The following NEXMIF variants were observed in gnomAD, a reference collection of about 807,000 sequenced individuals.
NEXMIF encodes neurite extension and migration factor.
NEXMIF carries 8 observed loss-of-function variants against 62.1 expected under a neutral mutation model. The observed-to-expected ratio is 0.13, with a 90% confidence interval of 0.08 to 0.23. The LOEUF is 0.23. Among genes scored for constraint, NEXMIF ranks in the 10% least tolerant of loss-of-function variants. The pLI is 1.00. For missense variants in NEXMIF, 976 were observed against 1,113.3 expected, an observed-to-expected ratio of 0.88 and a Z score of 1.75; for synonymous variants, 404 against 416.6, an observed-to-expected ratio of 0.97 and a Z score of 0.37.
chrX:74,871,486 C>A (rs2080600644), intron 1 of NEXMIF, among the ~76,000 whole-genome samples: 1 of 111,498 alleles, frequency 9.0e-6, no homozygotes, highest in Non-Finnish European at 1.9e-5. Context: ...GACAACTGGT[C>A]TGACTAGAAT....
At chrX:74,812,641 G>A (rs2080363988) in intron 1 of NEXMIF, among the ~76,000 whole-genome samples, 1 of 111,552 alleles carries the variant, frequency 9.0e-6, no homozygotes, top group South Asian at 3.8e-4. Context: ...AGTCAGGGCT[G>A]CAACAGACAG....
chrX:74,773,908 CAAAAAAAAAA>C (rs61514458), intron 1 of NEXMIF, among the ~76,000 whole-genome samples: 1 of 38,082 alleles, frequency 2.6e-5, no homozygotes, highest in Non-Finnish European at 4.3e-5. Context: ...GACTCCGTCT[CAAAAAAAAAA>C]AAAAAAAAAA....
At chrX:74,739,719 C>T (rs2080095653) in intron 3 of NEXMIF, among the ~76,000 whole-genome samples, 1 of 110,148 alleles carries the variant, frequency 9.1e-6, no homozygotes, top group Non-Finnish European at 1.9e-5. Context: ...GGCTTTTTGT[C>T]TACATGACTT....
chrX:74,733,582 TTTC>T lies in NEXMIF; in HGVS notation c.*5820_*5822del, dbSNP rs2080077994. 8.9e-6 allele frequency: 1 copy of T among 112,417 alleles called. No homozygotes were observed. The highest frequency in any genetic ancestry group is 3.2e-5 in the African/African-American group (1 of 30,880). 9.3% of individuals were successfully genotyped at this position (112,417 alleles called of 1,213,427 possible). A position where few individuals can be genotyped will look rare whatever the true frequency, so the allele number is the denominator to read the frequency against. On this transcript the variant is annotated 3_prime_UTR_variant, in exon 4 of 4. Transcript: ENST00000055682. ...TGATTCTAAAGCAGTATTTTAAACT[TTTC>T]TTTTTATTTATTTCATAAACAATAA...
At chrX:74,818,495 T>C (rs1039763589) in intron 1 of NEXMIF, among the ~76,000 whole-genome samples, 2 of 111,931 alleles carry the variant, frequency 1.8e-5, no homozygotes, top group African/African-American at 3.2e-5. Flanking sequence ...AAGACTTAAA[T>C]GTAAATCCTA....
chrX:74,872,962 A>T (rs185074493), intron 1 of NEXMIF, among the ~76,000 whole-genome samples: 8,278 of 107,536 alleles, frequency 0.077, 453 homozygotes, highest in African/African-American at 0.19. Context: ...TATTTTTTTT[A>T]AAATTGTTTT....
At chrX:74,873,363 G>A (rs1207937399) in intron 1 of NEXMIF, among the ~76,000 whole-genome samples, 2 of 112,015 alleles carry the variant, frequency 1.8e-5, no homozygotes, top group Non-Finnish European at 3.8e-5. Flanking sequence ...GTGTATATGT[G>A]CCACATTTTC....
chrX:74,898,764 C>T (rs1348165908), intron 1 of NEXMIF, among the ~76,000 whole-genome samples: 1 of 110,973 alleles, frequency 9.0e-6, no homozygotes, highest in Admixed American at 9.7e-5. Flanking sequence ...ACTGTTATAA[C>T]TAATAACAAA....
rs761865043 is a variant in NEXMIF, at chrX:74,733,297, CTTATG to C, written c.*6103_*6107del. ...ACTTTTTGCAATTCGTTTCTTTCCC[CTTATG>C]TTATGTTTATCTCGAAATGTAATTT... On this transcript the variant is annotated 3_prime_UTR_variant, in exon 4 of 4. Coordinates refer to ENST00000055682, the MANE Select transcript of NEXMIF (RefSeq NM_001008537.3). 2.7e-5 allele frequency: 3 copies of C among 112,083 alleles called. No homozygotes were observed. The highest frequency in any genetic ancestry group is 7.4e-4 in the South Asian group (2 of 2,721). 9.2% of individuals were successfully genotyped at this position (112,083 alleles called of 1,213,427 possible). A position where few individuals can be genotyped will look rare whatever the true frequency, so the allele number is the denominator to read the frequency against.
intron 1 of NEXMIF, among the ~76,000 whole-genome samples, chrX:74,899,068 T>C (rs1434366972): frequency 9.0e-6 from 1 of 111,298 alleles, no homozygotes; most frequent in East Asian, 2.8e-4. Context: ...CTTACAAATG[T>C]AATGCAATCC....
intron 1 of NEXMIF, among the ~76,000 whole-genome samples, chrX:74,756,572 A>G (rs2080160069): frequency 9.0e-6 from 1 of 111,555 alleles, no homozygotes; most frequent in Non-Finnish European, 1.9e-5. Flanking sequence ...GTGGAATATC[A>G]GAAAAGAAGA....
chrX:74,851,786 A>G (rs1260695582), intron 1 of NEXMIF, among the ~76,000 whole-genome samples: 2 of 111,837 alleles, frequency 1.8e-5, no homozygotes, highest in Non-Finnish European at 3.8e-5. Context: ...AAAAGACACA[A>G]AAGTATAAAA....
chrX:74,784,588 CTGTG>C (rs1418128233), intron 1 of NEXMIF, among the ~76,000 whole-genome samples: 1 of 109,454 alleles, frequency 9.1e-6, no homozygotes, highest in Non-Finnish European at 1.9e-5. Context: ...CTGCTTTATA[CTGTG>C]TGTATGTATA....
intron 1 of NEXMIF, among the ~76,000 whole-genome samples, chrX:74,900,038 A>G (rs1363493974): frequency 8.9e-6 from 1 of 111,988 alleles, no homozygotes; most frequent in Non-Finnish European, 1.9e-5. Context: ...GGAGTCAAAT[A>G]GACATTTCTC....
At chrX:74,863,988 T>C (rs1270934445) in intron 1 of NEXMIF, among the ~76,000 whole-genome samples, 1 of 112,029 alleles carries the variant, frequency 8.9e-6, no homozygotes, top group African/African-American at 3.2e-5. Flanking sequence ...ACTGATCACA[T>C]AGACAGAACT....
At chrX:74,802,607 C>A (rs145633605) in intron 1 of NEXMIF, among the ~76,000 whole-genome samples, 1,366 of 110,191 alleles carry the variant, frequency 0.012, 23 homozygotes, top group African/African-American at 0.043. Flanking sequence ...CAAACAAACC[C>A]AGACTGCGAA....
intron 1 of NEXMIF, among the ~76,000 whole-genome samples, chrX:74,810,693 G>A (rs993100971): frequency 1.6e-4 from 17 of 109,293 alleles, no homozygotes; most frequent in African/African-American, 3.0e-4. Flanking sequence ...ACATTGTTAC[G>A]TCACCTTAAG....
chrX:74,791,101 T>G (rs1221050527), intron 1 of NEXMIF, among the ~76,000 whole-genome samples: 1 of 110,362 alleles, frequency 9.1e-6, no homozygotes, highest in Non-Finnish European at 1.9e-5. Flanking sequence ...CAGTATGATA[T>G]TGGCTGTGGG....
chrX:74,795,760 T>C (rs2080304402), intron 1 of NEXMIF, among the ~76,000 whole-genome samples: 1 of 111,329 alleles, frequency 9.0e-6, no homozygotes, highest in Admixed American at 9.6e-5. Context: ...TCTAACTGTA[T>C]TACAAATGTG....
Sources: gnomAD v4.1 joint callset for allele counts (sites outside exome capture counted in the v4.1 genomes callset) on GRCh38, gnomAD v4.1.1 for gene constraint, MANE v1.5 for transcripts, NCBI Gene and HGNC (gene_info 2026-07-23, HGNC 2026-07-21) for gene names.